CFAP77: variants seen among roughly 807,000 people sequenced by gnomAD.
CFAP77 encodes the protein cilia- and flagella-associated protein 77.
Under a neutral mutation model 31.1 loss-of-function variants are expected in CFAP77, and 25 were observed. The ratio of observed to expected loss-of-function variants is 0.80; its 90% CI spans 0.59 to 1.12. The LOEUF (loss-of-function observed/expected upper bound fraction) is 1.12. Ranked by LOEUF, CFAP77 falls within the 50% of genes most tolerant of loss-of-function variation. The pLI is 0.00. For missense variants in CFAP77, 377 were observed against 397.3 expected, an observed-to-expected ratio of 0.95 and a Z score of 0.44; for synonymous variants, 151 against 159.9, an observed-to-expected ratio of 0.94 and a Z score of 0.42.
chr9:132,570,595 AT>A (rs201545243), intron 5 of CFAP77, among the ~76,000 whole-genome samples: 5 of 151,398 alleles, frequency 3.3e-5, no homozygotes, highest in South Asian at 2.1e-4. Context: ...ACTTGTGGGC[AT>A]TTTTTTTTCC....
rs1188932676 is a variant in CFAP77, at chr9:132,436,633, G to GA, written c.195+26175dup. ...TGATCTTTATGAAAAGAACAGTCAG[G>GA]AAAAAAAATACAACCTTTTGAAGAC... On this transcript the variant is annotated intron_variant, in intron 1 of 5. Transcript: ENST00000393216. Among the ~76,000 whole-genome samples the GA allele has an allele frequency of 3.3e-5, 5 of 151,656 alleles. No homozygotes were observed. The East Asian group carries it at 7.7e-4, about 23-fold the overall frequency.
chr9:132,474,781 A>T (rs56742341), intron 1 of CFAP77, among the ~76,000 whole-genome samples: 4,526 of 152,260 alleles, frequency 0.03, 228 homozygotes, highest in African/African-American at 0.1. Context: ...TGCCTGGAGG[A>T]AGTTTTCTCT....
intron 1 of CFAP77, among the ~76,000 whole-genome samples, chr9:132,449,893 AGTTTTTTT>A (rs1333885796): frequency 7.4e-4 from 100 of 135,854 alleles, no homozygotes; most frequent in South Asian, 9.7e-4. Context: ...GATGATTAAG[AGTTTTTTT>A]GTTTGTTTGT....
At chr9:132,487,694 A>G (rs1483850588) in intron 1 of CFAP77, among the ~76,000 whole-genome samples, 4 of 146,512 alleles carry the variant, frequency 2.7e-5, no homozygotes, top group African/African-American at 1.0e-4. Flanking sequence ...TTGATCACAC[A>G]TGGATGTGGT....
chr9:132,492,980 G>A lies in CFAP77; in HGVS notation c.196-5715G>A, dbSNP rs529244684. On this transcript the variant is annotated intron_variant, in intron 1 of 5. Coordinates refer to ENST00000393216, the MANE Select transcript of CFAP77 (RefSeq NM_001282957.2). ...CCGAGGACTCCCACGGCTCCAGCCT[G>A]GGCGGACACAGCCATGCTCATTTGA... Among the ~76,000 whole-genome samples, 31 of 152,290 alleles carry A rather than the reference G, an allele frequency of 2.0e-4. 1 individual carries two copies. In the South Asian group the frequency reaches 6.2e-3, roughly 31 times the overall value.
chr9:132,546,252 C>G (rs1182926814), intron 5 of CFAP77, among the ~76,000 whole-genome samples: 1 of 152,226 alleles, frequency 6.6e-6, no homozygotes, highest in Non-Finnish European at 1.5e-5. Flanking sequence ...TGGGCCTGGA[C>G]TCAGGGGTCC....
intron 3 of CFAP77, among the ~76,000 whole-genome samples, chr9:132,532,515 G>A (rs540282205): frequency 6.6e-6 from 1 of 152,302 alleles, no homozygotes; most frequent in South Asian, 2.1e-4. Context: ...CCAGGAAGTT[G>A]TTTTTTGAAT....
intron 1 of CFAP77, among the ~76,000 whole-genome samples, chr9:132,437,107 T>G (rs1850516057): frequency 6.6e-6 from 1 of 152,192 alleles, no homozygotes; most frequent in Admixed American, 6.5e-5. Context: ...CATGTGCATG[T>G]AATACTATTC....
intron 3 of CFAP77, among the ~76,000 whole-genome samples, chr9:132,531,631 G>A (rs1047876088): frequency 7.0e-6 from 1 of 143,602 alleles, no homozygotes; most frequent in East Asian, 2.1e-4. Flanking sequence ...GACATGGGGG[G>A]GGGGGCATGG....
chr9:132,452,674 G>A (rs1400028217), intron 1 of CFAP77, among the ~76,000 whole-genome samples: 2 of 152,142 alleles, frequency 1.3e-5, no homozygotes, highest in African/African-American at 2.4e-5. Context: ...CTAGGACCTC[G>A]GTGGAAGCTC....
At chr9:132,467,770 A>T (rs1421380065) in intron 1 of CFAP77, among the ~76,000 whole-genome samples, 6 of 152,172 alleles carry the variant, frequency 3.9e-5, no homozygotes, top group African/African-American at 2.4e-5. Context: ...GGGAACCACC[A>T]TTCTGTTTTC....
intron 1 of CFAP77, among the ~76,000 whole-genome samples, chr9:132,433,193 C>G (rs139936553): frequency 8.0e-4 from 122 of 152,288 alleles, no homozygotes; most frequent in African/African-American, 2.7e-3. Context: ...ATAGCACCTA[C>G]TTCATGGGGC....
rs1851447639 is a variant in CFAP77 at position 132,481,588 on chromosome 9, T to C, written c.196-17107T>C. Among the ~76,000 whole-genome samples, 5 of 152,132 alleles carry C rather than the reference T, an allele frequency of 3.3e-5. No individual in the cohort carries two copies. The highest frequency in any genetic ancestry group is 3.3e-4 in the Admixed American group (5 of 15,282). On this transcript the variant is annotated intron_variant, in intron 1 of 5. Coordinates refer to ENST00000393216, the MANE Select transcript of CFAP77 (RefSeq NM_001282957.2). This position sits in a 1 kb window ranked among gnomAD's most constrained non-coding sequence, Gnocchi z 5.0. ...GCTGAGGCCTCTGCATCATCTGCCC[T>C]AGGAAATGTCAACCCAGAACCAATC... is the stretch of plus-strand genomic sequence containing the variant.
chr9:132,516,575 T>G (rs1852150640), intron 3 of CFAP77, among the ~76,000 whole-genome samples: 1 of 138,256 alleles, frequency 7.2e-6, no homozygotes, highest in Admixed American at 7.3e-5. Context: ...AACACATGAT[T>G]AAACCACACA....
chr9:132,446,800 T>C (rs1194552443), intron 1 of CFAP77, among the ~76,000 whole-genome samples: 1 of 151,406 alleles, frequency 6.6e-6, no homozygotes, highest in Non-Finnish European at 1.5e-5. Context: ...AGGGCTCTAC[T>C]GTGTGGGAAA....
chr9:132,536,120 A>G (rs1237710641), intron 3 of CFAP77, among the ~76,000 whole-genome samples: 1 of 152,150 alleles, frequency 6.6e-6, no homozygotes, highest in Admixed American at 6.5e-5. Context: ...GGGGCATCCT[A>G]TGGGACTGGT....
chr9:132,505,831 C>T (rs960932506), intron 3 of CFAP77, among the ~76,000 whole-genome samples: 3 of 152,126 alleles, frequency 2.0e-5, no homozygotes, highest in Non-Finnish European at 4.4e-5. Flanking sequence ...TCCAGGTAGG[C>T]ACGGAGTTTG....
At chr9:132,536,391 C>CTTTTTTT (rs35488775) in intron 3 of CFAP77, among the ~76,000 whole-genome samples, 2 of 122,354 alleles carry the variant, frequency 1.6e-5, no homozygotes, top group South Asian at 2.7e-4. Flanking sequence ...GCTCATAGTT[C>CTTTTTTT]TTTTTTTTTT....
At position 132,559,346 on chromosome 9, in the gene CFAP77, C is replaced by CAAAAAAAAAAAAAAAAA. The variant is rs35737685; in HGVS notation, c.733-13038_733-13022dup. ...CGCGTCAGAGTGAGACTCTGTCTTG[C>CAAAAAAAAAAAAAAAAA]AAAAAAAAAAAAAAAAAAAAGGCAA... On this transcript the variant is annotated intron_variant, in intron 5 of 5. Coordinates refer to ENST00000393216, the MANE Select transcript of CFAP77 (RefSeq NM_001282957.2). 5.0e-3 allele frequency among the ~76,000 whole-genome samples: 283 copies of CAAAAAAAAAAAAAAAAA among 56,080 alleles called. 18 individuals are homozygous for CAAAAAAAAAAAAAAAAA. Among genetic ancestry groups the CAAAAAAAAAAAAAAAAA allele is most frequent in the African/African-American group, 0.019 (234 of 12,218 alleles). The allele number at this position is 56,080 out of a possible 152,430, so 36.8% of individuals were successfully genotyped here. A position where few individuals can be genotyped will look rare whatever the true frequency, so the allele number is the denominator to read the frequency against.
Sources: gnomAD v4.1 joint callset for allele counts (sites outside exome capture counted in the v4.1 genomes callset) on GRCh38, gnomAD v4.1.1 for gene constraint, Gnocchi (gnomAD v3.1) non-coding constraint, MANE v1.5 for transcripts, NCBI Gene and HGNC (gene_info 2026-07-23, HGNC 2026-07-21) for gene names.